The following KCNMB1 variants were observed in gnomAD, a reference collection of about 807,000 sequenced individuals.
The protein encoded by KCNMB1 is potassium calcium-activated channel subfamily M regulatory beta subunit 1.
In KCNMB1, 22 loss-of-function variants were observed where a neutral mutation model predicts 21.7. The observed-to-expected ratio is 1.01, with a 90% CI of 0.72 to 1.45. KCNMB1 has a LOEUF of 1.45. Among genes scored for constraint, KCNMB1 ranks in the 40% most tolerant of loss-of-function variants. The pLI is 0.00. For synonymous variants in KCNMB1, 114 were observed against 107.6 expected (o/e 1.06, Z -0.37); for missense variants, 243 against 243.4 (o/e 1.00, Z 0.01).
chr5:170,387,808 A>G (rs1764538651), intron 1 of KCNMB1, among the ~76,000 whole-genome samples: 1 of 152,222 alleles, frequency 6.6e-6, no homozygotes, highest in Non-Finnish European at 1.5e-5. Context: ...GAGGTAAGCT[A>G]AAAGCCCCAA....
At chr5:170,384,925 C>T (rs546117927) in intron 2 of KCNMB1, among the ~76,000 whole-genome samples, 2 of 152,288 alleles carry the variant, frequency 1.3e-5, no homozygotes, top group South Asian at 4.1e-4. Flanking sequence ...TGGATGCCCA[C>T]CTGACAGGGA....
At chr5:170,383,434 G>A in intron 3 of KCNMB1, 1 of 609,758 alleles carries the variant, frequency 1.6e-6, no homozygotes, top group Non-Finnish European at 2.9e-6. Context: ...TTACAAGGGT[G>A]GAAACTGAGG....
intron 1 of KCNMB1, among the ~76,000 whole-genome samples, chr5:170,387,171 TTTTAGGGGAAATTTTAGGGGAA>T (rs1764510212): frequency 6.6e-6 from 1 of 152,160 alleles, no homozygotes; most frequent in Non-Finnish European, 1.5e-5. Flanking sequence ...TAATCCTCCA[TTTTAGGGGAAATTTTAGGGGAA>T]TTTAGGGGAA....
In KCNMB1 at chr5:170,388,479, C is replaced by T. The variant is rs4867962; in HGVS notation, c.-25+780G>A. Among the ~76,000 whole-genome samples the T allele has an allele frequency of 9.9e-3, 1,500 of 152,280 alleles. 46 individuals are homozygous for T. The East Asian group carries it at 0.11, about 11-fold the overall frequency. On this transcript the variant is annotated intron_variant, in intron 1 of 3. Transcript: ENST00000274629. ...GTAAGAAGAACTTCCCAGTTTTGAG[C>T]ATTTCTAAATATCTCTGAAGTTCCA...
In KCNMB1 at chr5:170,378,816, T is replaced by A. The variant is rs750241697; in HGVS notation, c.464A>T (p.Gln155Leu). The stretch of plus-strand genomic sequence containing the variant: ...CCAGAAGAGGGAGAAGAGGAGGGCC[T>A]GGGGCCCGTAGAGGCGCTGGAATAG... ...SVLFQRLYGP[Q>L]ALLFSLFWPT... Residue 155 changes from glutamine (Q) to leucine (L), a missense_variant, in exon 4 of 4, where the codon CAG becomes CTG. By Grantham distance (113) the Gln-to-Leu change is moderately radical (BLOSUM62 -2). Coordinates refer to ENST00000274629, the MANE Select transcript of KCNMB1 (RefSeq NM_004137.4). 5 of 1,614,212 alleles carry A rather than the reference T, an allele frequency of 3.1e-6. No homozygotes were observed. The highest frequency in any genetic ancestry group is 4.2e-6 in the Non-Finnish European group (5 of 1,180,040).
intron 1 of KCNMB1, among the ~76,000 whole-genome samples, chr5:170,387,852 G>A (rs1257101765): frequency 6.6e-5 from 10 of 152,250 alleles, no homozygotes. Flanking sequence ...AAGGGTCACT[G>A]GCACTTGGCC....
chr5:170,388,290 G>A (rs966977628), intron 1 of KCNMB1, among the ~76,000 whole-genome samples: 5 of 152,236 alleles, frequency 3.3e-5, no homozygotes, highest in South Asian at 2.1e-4. Context: ...AAGACCATGC[G>A]TGGGGTTCAG....
At chr5:170,379,196 A>C (rs1764138854) in intron 3 of KCNMB1, among the ~76,000 whole-genome samples, 1 of 152,134 alleles carries the variant, frequency 6.6e-6, no homozygotes, top group African/African-American at 2.4e-5. Context: ...CTCGGGGTAC[A>C]GGCTACACAC....
chr5:170,380,156 C>A (rs1581128453), intron 3 of KCNMB1, among the ~76,000 whole-genome samples: 3 of 152,186 alleles, frequency 2.0e-5, no homozygotes, highest in East Asian at 3.9e-4. Context: ...TTATTAGGAA[C>A]TTTCTGCCCT....
At chr5:170,387,819 C>G (rs1208635443) in intron 1 of KCNMB1, among the ~76,000 whole-genome samples, 1 of 152,246 alleles carries the variant, frequency 6.6e-6, no homozygotes, top group Non-Finnish European at 1.5e-5. Flanking sequence ...AAAGCCCCAA[C>G]AGCCTGCTTC....
rs763450990 is a variant in KCNMB1 at position 170,378,682 on chromosome 5, G to A, written c.*22C>T. The A allele has an allele frequency of 1.9e-6, 3 of 1,584,912 alleles. No homozygotes were observed. Among genetic ancestry groups the A allele is most frequent in the African/African-American group, 1.4e-5 (1 of 74,050 alleles). On this transcript the variant is annotated 3_prime_UTR_variant, in exon 4 of 4. Transcript: ENST00000274629. ...GCCAGTCCCCTGTGCCCTGACAAGT[G>A]GTATGGCATGGATGGATGGCTCTAC...
chr5:170,380,035 T>A (rs879484152), intron 3 of KCNMB1, among the ~76,000 whole-genome samples: 6 of 151,936 alleles, frequency 3.9e-5, no homozygotes, highest in Non-Finnish European at 7.4e-5. Context: ...AAACAAACTA[T>A]GTTGGCAAGC....
At chr5:170,388,429 T>C (rs1764574504) in intron 1 of KCNMB1, among the ~76,000 whole-genome samples, 1 of 152,202 alleles carries the variant, frequency 6.6e-6, no homozygotes, top group African/African-American at 2.4e-5. Flanking sequence ...GTTTCAGCTA[T>C]CATAGGAGGG....
chr5:170,385,231 G>T (rs1460396938), intron 2 of KCNMB1, 83 bp downstream of exon 2: 3 of 1,456,936 alleles, frequency 2.1e-6, no homozygotes, highest in Non-Finnish European at 2.9e-6. Flanking sequence ...AAGGAGAGGG[G>T]TGAGTAGAAG....
intron 1 of KCNMB1, among the ~76,000 whole-genome samples, chr5:170,385,955 T>C (rs937403079): frequency 7.1e-5 from 10 of 141,744 alleles, no homozygotes; most frequent in Admixed American, 5.6e-4. Flanking sequence ...CCATCTCTAC[T>C]AAAAAAAAAA....
At chr5:170,386,655 A>G (rs1286537044) in intron 1 of KCNMB1, among the ~76,000 whole-genome samples, 30 of 150,090 alleles carry the variant, frequency 2.0e-4, no homozygotes, top group Admixed American at 1.9e-3. Flanking sequence ...GCAGGTTGTC[A>G]GGAGAGGCAG....
In KCNMB1 at chr5:170,377,766, G is replaced by T. The variant is rs1764067102; in HGVS notation, c.*938C>A. The T allele has an allele frequency of 6.6e-6, 1 of 152,124 alleles. No individual in the cohort carries two copies. Among genetic ancestry groups the T allele is most frequent in the Admixed American group, 6.5e-5 (1 of 15,274 alleles). The allele number at this position is 152,124 out of a possible 1,614,324, so 9.4% of individuals were successfully genotyped here. Reference sequence around the variant, plus strand: ...TTTTTGTATTTTTAGTAGAGACGGGGTTTCACCATGTTAGCCAGGATGGTC... The same window carrying T: ...TTTTTGTATTTTTAGTAGAGACGGGTTTTCACCATGTTAGCCAGGATGGTC... On this transcript the variant is annotated 3_prime_UTR_variant, in exon 4 of 4. Transcript: ENST00000274629.
In KCNMB1 at chr5:170,378,581, T is replaced by G; in HGVS notation, c.*123A>C. 1.0e-6 allele frequency: 1 copy of G among 1,003,210 alleles called. No homozygotes were observed. The highest frequency in any genetic ancestry group is 1.5e-6 in the Non-Finnish European group (1 of 676,440). 62.1% of individuals were successfully genotyped at this position (1,003,210 alleles called of 1,614,324 possible). ...GTTAGTCCTGCAACAGAAGACAGCG[T>G]GGATTGGACTGGAAGAGTGGGAGGG... On this transcript the variant is annotated 3_prime_UTR_variant, in exon 4 of 4. Coordinates refer to ENST00000274629, the MANE Select transcript of KCNMB1 (RefSeq NM_004137.4).
intron 3 of KCNMB1, among the ~76,000 whole-genome samples, chr5:170,379,442 A>C (rs1483506687): frequency 2.6e-5 from 4 of 152,226 alleles, no homozygotes; most frequent in Admixed American, 1.3e-4. Context: ...AATTGCCTAC[A>C]GGGCTCATGA....
Sources: gnomAD v4.1 joint callset for allele counts (sites outside exome capture counted in the v4.1 genomes callset) on GRCh38, gnomAD v4.1.1 for gene constraint, MANE v1.5 for transcripts, NCBI Gene and HGNC (gene_info 2026-07-23, HGNC 2026-07-21) for gene names.